Variants in IMMP2L observed in about 807,000 individuals in gnomAD.
IMMP2L encodes the protein mitochondrial inner membrane protease subunit 2.
A neutral mutation model predicts 19.3 loss-of-function variants in IMMP2L; 18 were observed. That is an observed-to-expected ratio of 0.93 (90% CI 0.64 to 1.38). The LOEUF (loss-of-function observed/expected upper bound fraction) is 1.38, where lower values mean the gene tolerates loss of function less well. Among genes scored for constraint, IMMP2L ranks in the 40% most tolerant of loss-of-function variants. IMMP2L has a pLI of 0.00. For synonymous variants in IMMP2L, 76 were observed against 73.0 expected (o/e 1.04, Z -0.21); for missense variants, 233 against 218.2 (o/e 1.07, Z -0.43).
chr7:111,370,544 GA>G (rs1242013596), intron 3 of IMMP2L, among the ~76,000 whole-genome samples: 3 of 151,958 alleles, frequency 2.0e-5, no homozygotes, highest in Non-Finnish European at 4.4e-5. Flanking sequence ...CTGTGCAGTT[GA>G]CATAGACGTT....
chr7:111,442,109 G>C (rs1485449780), intron 3 of IMMP2L, among the ~76,000 whole-genome samples: 9 of 151,698 alleles, frequency 5.9e-5, no homozygotes, highest in African/African-American at 2.2e-4. Flanking sequence ...TGGTACTCCA[G>C]CCTGCTGACA....
chr7:110,794,535 C>A (rs1004262807), intron 5 of IMMP2L, among the ~76,000 whole-genome samples: 2 of 151,958 alleles, frequency 1.3e-5, no homozygotes, highest in African/African-American at 2.4e-5. Context: ...TACTTAAATG[C>A]GATCATCATA....
At chr7:111,190,902 A>G (rs1808790131) in intron 3 of IMMP2L, among the ~76,000 whole-genome samples, 1 of 152,136 alleles carries the variant, frequency 6.6e-6, no homozygotes, top group Non-Finnish European at 1.5e-5. Context: ...TGGTGCCACA[A>G]ATTTAACAGT....
chr7:110,673,311 G>A (rs935530857), intron 5 of IMMP2L, among the ~76,000 whole-genome samples: 2 of 152,198 alleles, frequency 1.3e-5, no homozygotes, highest in Non-Finnish European at 2.9e-5. Flanking sequence ...TCCTGAGGCT[G>A]CTTAGAGCAG....
At chr7:111,016,338 T>TATA (rs975543760) in intron 3 of IMMP2L, among the ~76,000 whole-genome samples, 4 of 144,334 alleles carry the variant, frequency 2.8e-5, no homozygotes, top group African/African-American at 7.6e-5. Flanking sequence ...TAATTATATA[T>TATA]ATAATAATTT....
At chr7:111,215,229 T>C (rs1015137699) in intron 3 of IMMP2L, among the ~76,000 whole-genome samples, 3 of 152,202 alleles carry the variant, frequency 2.0e-5, no homozygotes, top group African/African-American at 7.2e-5. Context: ...CCAGATCATC[T>C]ACATGAGCCA....
intron 3 of IMMP2L, among the ~76,000 whole-genome samples, chr7:111,450,682 T>C (rs1331532861): frequency 4.0e-5 from 6 of 150,428 alleles, no homozygotes; most frequent in East Asian, 1.9e-4. Flanking sequence ...CCAAAAGCAA[T>C]GGCAACCAAA....
At chr7:111,133,962 A>T (rs1403095740) in intron 3 of IMMP2L, among the ~76,000 whole-genome samples, 3 of 152,060 alleles carry the variant, frequency 2.0e-5, no homozygotes, top group African/African-American at 7.2e-5. Context: ...AGATGGCCAA[A>T]ATGTCACTCC....
chr7:111,243,238 G>A (rs1160945933), intron 3 of IMMP2L, among the ~76,000 whole-genome samples: 1 of 151,694 alleles, frequency 6.6e-6, no homozygotes, highest in Non-Finnish European at 1.5e-5. Flanking sequence ...ATTATATATT[G>A]AATTATAAAA....
At chr7:111,550,673 C>T (rs1272017144) in intron 1 of IMMP2L, among the ~76,000 whole-genome samples, 1 of 152,138 alleles carries the variant, frequency 6.6e-6, no homozygotes, top group Non-Finnish European at 1.5e-5. Flanking sequence ...CTTCTCCTAT[C>T]AATTATTACT....
rs368108900 is a variant in IMMP2L at position 111,095,300 on chromosome 7, G to C, written c.240-131735C>G. 2.4e-4 allele frequency among the ~76,000 whole-genome samples: 37 copies of C among 152,050 alleles called. 1 individual carries two copies. The highest frequency in any genetic ancestry group is 8.4e-4 in the African/African-American group (35 of 41,500). Reference sequence around the variant, plus strand: ...ATACATTATACTTTGTATTCACCCAGCTATTTATTGGAGAGGCCTAGGTTA... The same window carrying C: ...ATACATTATACTTTGTATTCACCCACCTATTTATTGGAGAGGCCTAGGTTA... On this transcript the variant is annotated intron_variant, in intron 3 of 5. Transcript: ENST00000405709.
intron 4 of IMMP2L, among the ~76,000 whole-genome samples, chr7:110,932,340 T>A (rs1319716473): frequency 1.3e-5 from 2 of 152,186 alleles, no homozygotes; most frequent in Non-Finnish European, 2.9e-5. Flanking sequence ...AGTGTGTATT[T>A]ATTGAGAATG....
chr7:111,521,495 T>C, intron 1 of IMMP2L, 46 bp from the exon 2 acceptor site: 1 of 1,544,218 alleles, frequency 6.5e-7, no homozygotes, highest in Non-Finnish European at 8.7e-7. Context: ...TCAAGAAAGG[T>C]GAAAAACAAA....
chr7:111,115,876 T>A (rs1005552464), intron 3 of IMMP2L, among the ~76,000 whole-genome samples: 3 of 151,880 alleles, frequency 2.0e-5, no homozygotes, highest in African/African-American at 7.3e-5. Flanking sequence ...TGGGTTTCAC[T>A]ATGTTGACCA....
intron 4 of IMMP2L, among the ~76,000 whole-genome samples, chr7:110,905,033 C>T (rs1294004267): frequency 2.0e-5 from 3 of 152,162 alleles, no homozygotes; most frequent in African/African-American, 7.2e-5. Context: ...GAAACCTCTA[C>T]AATCACCTAA....
intron 3 of IMMP2L, among the ~76,000 whole-genome samples, chr7:111,242,627 G>A (rs1450996330): frequency 6.6e-6 from 1 of 151,964 alleles, no homozygotes; most frequent in Admixed American, 6.6e-5. Flanking sequence ...AAACGAGCTT[G>A]CTGGGAGCTT....
chr7:111,250,351 T>C (rs1815952256), intron 3 of IMMP2L, among the ~76,000 whole-genome samples: 1 of 152,170 alleles, frequency 6.6e-6, no homozygotes. Flanking sequence ...ATAGATTCAA[T>C]GTTGTTCCCA....
chr7:111,410,945 G>C (rs908892619), intron 3 of IMMP2L, among the ~76,000 whole-genome samples: 4 of 151,368 alleles, frequency 2.6e-5, no homozygotes, highest in Admixed American at 2.0e-4. Context: ...ACTAAAATAA[G>C]AGGAAAGAGG....
At chr7:110,759,190 G>A (rs1798205773) in intron 5 of IMMP2L, among the ~76,000 whole-genome samples, 1 of 152,016 alleles carries the variant, frequency 6.6e-6, no homozygotes, top group African/African-American at 2.4e-5. Context: ...AGACATTCCT[G>A]AGTCACCCCC....
Sources: allele counts gnomAD v4.1 joint callset (sites outside exome capture counted in the v4.1 genomes callset), GRCh38; gene constraint gnomAD v4.1.1; transcripts MANE v1.5; gene names NCBI Gene and HGNC (gene_info 2026-07-23, HGNC 2026-07-21).